BHMT2: variants seen among roughly 807,000 people sequenced by gnomAD.
The protein encoded by BHMT2 is betaine--homocysteine S-methyltransferase 2, also known as S-methylmethionine--homocysteine S-methyltransferase BHMT2.
A neutral mutation model predicts 39.0 loss-of-function variants in BHMT2; 28 were observed. The observed-to-expected ratio is 0.72, with a 90% CI of 0.53 to 0.98. The LOEUF is 0.98. Among genes scored for constraint, BHMT2 ranks in the 50% least tolerant of loss-of-function variants. BHMT2 has a pLI of 0.00. For synonymous variants in BHMT2, 145 were observed against 160.6 expected, an observed-to-expected ratio of 0.90 and a Z score of 0.74; for missense variants, 410 against 455.6, an observed-to-expected ratio of 0.90 and a Z score of 0.91.
intron 7 of BHMT2, 85 bp downstream of exon 7, chr5:79,083,941 A>G: frequency 6.7e-7 from 1 of 1,486,788 alleles, no homozygotes; most frequent in Non-Finnish European, 9.0e-7. Flanking sequence ...TGCACATGAC[A>G]AAAAGTATAG....
intron 1 of BHMT2, among the ~76,000 whole-genome samples, chr5:79,072,427 A>C (rs999123621): frequency 6.6e-6 from 1 of 152,220 alleles, no homozygotes; most frequent in African/African-American, 2.4e-5. Flanking sequence ...TTGTCTGCTA[A>C]AGAGTAACAT....
At position 79,089,862 on chromosome 5, in the gene BHMT2, G is replaced by A. The variant is rs10069549; in HGVS notation, c.*1288G>A. Among the ~76,000 whole-genome samples the A allele has an allele frequency of 1.3e-5, 2 of 152,046 alleles. No homozygotes were observed. Among genetic ancestry groups the A allele is most frequent in the Non-Finnish European group, 2.9e-5 (2 of 67,988 alleles). ...TGCATGCCTGTAATCCCAGCTACTT[G>A]GAGGCTGAGGCATGAGAATTGCTTG... On this transcript the variant is annotated 3_prime_UTR_variant, in exon 8 of 8. Transcript: ENST00000255192.
intron 1 of BHMT2, among the ~76,000 whole-genome samples, chr5:79,070,202 G>T (rs1051249963): frequency 2.6e-5 from 4 of 152,128 alleles, no homozygotes; most frequent in African/African-American, 7.2e-5. Flanking sequence ...ACCGACCCTC[G>T]CCCGCAGCTC....
intron 7 of BHMT2, among the ~76,000 whole-genome samples, chr5:79,087,988 T>G (rs1755932252): frequency 6.6e-6 from 1 of 152,188 alleles, no homozygotes; most frequent in Admixed American, 6.5e-5. Flanking sequence ...GAGACTAGCC[T>G]GGGCAACATG....
At chr5:79,086,415 G>C (rs1755894911) in intron 7 of BHMT2, among the ~76,000 whole-genome samples, 1 of 152,116 alleles carries the variant, frequency 6.6e-6, no homozygotes, top group African/African-American at 2.4e-5. Context: ...TTTAACTTCT[G>C]TGCAGTGTCT....
intron 3 of BHMT2, among the ~76,000 whole-genome samples, chr5:79,079,957 G>C (rs952727644): frequency 1.3e-5 from 2 of 152,172 alleles, no homozygotes; most frequent in African/African-American, 4.8e-5. Context: ...GTAGAGGAGG[G>C]GTCAGGACTA....
At chr5:79,072,035 G>A (rs1488510258) in intron 1 of BHMT2, among the ~76,000 whole-genome samples, 2 of 152,118 alleles carry the variant, frequency 1.3e-5, no homozygotes, top group African/African-American at 4.8e-5. Flanking sequence ...GGGAGGCCGA[G>A]GCAGGCAGAT....
intron 1 of BHMT2, among the ~76,000 whole-genome samples, chr5:79,075,032 A>C (rs1017195478): frequency 6.6e-6 from 1 of 152,042 alleles, no homozygotes; most frequent in Non-Finnish European, 1.5e-5. Flanking sequence ...GATAGTAATT[A>C]TTTTTAGCCT....
chr5:79,083,100 G>A, intron 5 of BHMT2, 92 bp from the exon 6 acceptor site: 1 of 1,574,724 alleles, frequency 6.4e-7, no homozygotes, highest in South Asian at 1.1e-5. Flanking sequence ...GGAGGTGGAG[G>A]GGAATGGCTA....
Position 79,069,823 on chromosome 5 carries a change from T to C in BHMT2, c.33+8T>C, listed in dbSNP as rs1755512971. ...CGCCCGGGGGCCAAGAAGGTGAGTT[T>C]CGTCCCCTCGATCCTCGCGGAGCTC... On this transcript the variant is annotated splice_region_variant and intron_variant, in intron 1 of 7. Coordinates refer to ENST00000255192, the MANE Select transcript of BHMT2 (RefSeq NM_017614.5). 1.4e-6 allele frequency: 2 copies of C among 1,426,302 alleles called. No homozygotes were observed. The highest frequency in any genetic ancestry group is 1.8e-6 in the Non-Finnish European group (2 of 1,082,262). 88.4% of individuals were successfully genotyped at this position (1,426,302 alleles called of 1,614,324 possible). A position where few individuals can be genotyped will look rare whatever the true frequency, so the allele number is the denominator to read the frequency against.
chr5:79,077,692 TAAC>T (rs1755698846), intron 2 of BHMT2, 80 bp downstream of exon 2: 4 of 1,507,290 alleles, frequency 2.7e-6, no homozygotes, highest in Admixed American at 2.0e-5. Context: ...AAGAAAAAAA[TAAC>T]AACTGTTTCA....
intron 1 of BHMT2, among the ~76,000 whole-genome samples, chr5:79,072,450 A>G (rs1032373469): frequency 8.5e-5 from 13 of 152,316 alleles, no homozygotes; most frequent in African/African-American, 2.9e-4. Flanking sequence ...TTTCTTCTTC[A>G]GGACAAAAAT....
chr5:79,070,675 T>C (rs925782661), intron 1 of BHMT2, among the ~76,000 whole-genome samples: 3 of 152,146 alleles, frequency 2.0e-5, no homozygotes, highest in Non-Finnish European at 4.4e-5. Flanking sequence ...ACTAAAAAGT[T>C]AGAAACGACC....
Position 79,083,834 on chromosome 5 carries a change from A to T in BHMT2, c.988A>T (p.Thr330Ser). The T allele has an allele frequency of 6.2e-7, 1 of 1,614,020 alleles. No homozygotes were observed. Among genetic ancestry groups the T allele is most frequent in the Non-Finnish European group, 8.5e-7 (1 of 1,179,948 alleles). The change falls in exon 7 of 8, where the codon ACC becomes TCC. Residue 330 changes from threonine to serine, a missense_variant. Physicochemically the swap from Thr to Ser is moderately conservative, Grantham distance 58. Transcript: ENST00000255192. ...GSWGSGLDMHTKPWIRARARR... is the reference protein window; with the variant it reads ...GSWGSGLDMHSKPWIRARARR... Reference sequence around the variant, plus strand: ...CTGGGGAAGTGGTTTGGACATGCACACCAAACCCTGGATTAGAGCAAGGTA... The same window carrying T: ...CTGGGGAAGTGGTTTGGACATGCACTCCAAACCCTGGATTAGAGCAAGGTA...
chr5:79,075,439 A>G (rs1755655208), intron 1 of BHMT2, among the ~76,000 whole-genome samples: 1 of 152,144 alleles, frequency 6.6e-6, no homozygotes, highest in African/African-American at 2.4e-5. Context: ...TCTCCCTTGG[A>G]TTCAGGAACT....
At chr5:79,081,863 A>G (rs1210969090) in intron 4 of BHMT2, among the ~76,000 whole-genome samples, 1 of 152,078 alleles carries the variant, frequency 6.6e-6, no homozygotes, top group Non-Finnish European at 1.5e-5. Flanking sequence ...CTCTGTCTCA[A>G]AAGAGAGAGA....
chr5:79,080,567 C>A, intron 3 of BHMT2, 120 bp from the exon 4 acceptor site: 2 of 813,252 alleles, frequency 2.5e-6, no homozygotes, highest in Non-Finnish European at 3.7e-6. Context: ...GTCTTTTCTG[C>A]TTGCATTGAA....
intron 1 of BHMT2, among the ~76,000 whole-genome samples, chr5:79,072,282 A>G (rs1422421077): frequency 6.6e-6 from 1 of 152,146 alleles, no homozygotes; most frequent in Non-Finnish European, 1.5e-5. Flanking sequence ...AAAAAAAGAA[A>G]GAAAAGAAAA....
Position 79,080,776 on chromosome 5 carries a change from A to G in BHMT2, c.348A>G (p.Thr116=). 6.2e-7 allele frequency: 1 copy of G among 1,606,294 alleles called. No individual in the cohort carries two copies. Among genetic ancestry groups the G allele is most frequent in the Non-Finnish European group, 8.5e-7 (1 of 1,177,650 alleles). ...DALVAGGICQ[T]SIYKYQKDEA... ...TGGTAGCAGGGGGGATCTGCCAGAC[A>G]TCAATATACAAATACCAGAAGGATG... is the stretch of plus-strand genomic sequence containing the variant. Residue 116 remains threonine (T), a synonymous_variant, in exon 4 of 8, where the codon ACA becomes ACG. Coordinates refer to ENST00000255192, the MANE Select transcript of BHMT2 (RefSeq NM_017614.5).
Sources: allele counts gnomAD v4.1 joint callset (sites outside exome capture counted in the v4.1 genomes callset), GRCh38; gene constraint gnomAD v4.1.1; transcripts MANE v1.5; gene names NCBI Gene and HGNC (gene_info 2026-07-23, HGNC 2026-07-21).